The following RNF13 variants were observed in gnomAD, a reference collection of about 807,000 sequenced individuals.
The protein encoded by RNF13 is ring finger protein 13.
A neutral mutation model predicts 37.7 loss-of-function variants in RNF13; 19 were observed. The observed-to-expected ratio is 0.50, with a 90% CI of 0.35 to 0.74. The LOEUF (loss-of-function observed/expected upper bound fraction) is 0.74. RNF13 is among the 30% of genes least tolerant of loss of function. The pLI, the probability that RNF13 is intolerant of heterozygous loss-of-function variation, is 0.01. For missense variants in RNF13, 375 were observed against 453.0 expected (o/e 0.83, Z 1.56); for synonymous variants, 144 against 157.8 (o/e 0.91, Z 0.65).
intron 3 of RNF13, among the ~76,000 whole-genome samples, chr3:149,862,637 C>T (rs1724377478): frequency 6.6e-6 from 1 of 152,106 alleles, no homozygotes; most frequent in African/African-American, 2.4e-5. Flanking sequence ...TTGCATACTG[C>T]ATTTTATGAA....
At chr3:149,959,584 C>G (rs907942090) in intron 8 of RNF13, among the ~76,000 whole-genome samples, 1 of 152,190 alleles carries the variant, frequency 6.6e-6, no homozygotes, top group Non-Finnish European at 1.5e-5. Context: ...AAGCAACTTG[C>G]CAAGCACCAC....
At chr3:149,907,162 TCTTA>T (rs1173440196) in intron 6 of RNF13, among the ~76,000 whole-genome samples, 4 of 152,212 alleles carry the variant, frequency 2.6e-5, no homozygotes, top group African/African-American at 9.6e-5. Flanking sequence ...GACTAAATTC[TCTTA>T]CTGTTGATGG....
intron 4 of RNF13, among the ~76,000 whole-genome samples, chr3:149,873,178 G>A (rs1003942897): frequency 2.6e-5 from 4 of 152,076 alleles, no homozygotes; most frequent in Admixed American, 6.5e-5. Flanking sequence ...TTAATTTCTT[G>A]CTGCTAAGAA....
chr3:149,826,522 T>G (rs573646531), intron 1 of RNF13, among the ~76,000 whole-genome samples: 1 of 152,312 alleles, frequency 6.6e-6, no homozygotes, highest in South Asian at 2.1e-4. Context: ...TAAGAAATAT[T>G]TTGCTGTGTA....
At chr3:149,873,797 A>G (rs1005645149) in intron 4 of RNF13, among the ~76,000 whole-genome samples, 1 of 151,950 alleles carries the variant, frequency 6.6e-6, no homozygotes, top group African/African-American at 2.4e-5. Flanking sequence ...CTTTGTAAAT[A>G]CTTCCTTCAT....
At chr3:149,939,368 G>A (rs1720026494) in intron 8 of RNF13, 3 of 481,964 alleles carry the variant, frequency 6.2e-6, no homozygotes, top group Non-Finnish European at 7.9e-6. Context: ...TGCCACCTCC[G>A]GGGGCAGATC....
chr3:149,846,071 C>G lies in RNF13; in HGVS notation c.45C>G (p.Val15=). 1 of 1,612,746 alleles carries G rather than the reference C, an allele frequency of 6.2e-7. No homozygotes were observed. The highest frequency in any genetic ancestry group is 8.5e-7 in the Non-Finnish European group (1 of 1,179,860). ...IGMLMLSATQ[V]YTILTVQLFA... is the part of the protein sequence containing the mutation. ...TGCTCATGCTGTCAGCCACACAAGT[C>G]TACACCATCTTGACTGTCCAGCTCT... is the stretch of plus-strand genomic sequence containing the variant. Residue 15 remains valine, a synonymous_variant, in exon 2 of 10, where the codon GTC becomes GTG. Coordinates refer to ENST00000392894, the MANE Select transcript of RNF13 (RefSeq NM_183381.3).
At chr3:149,926,559 T>C (rs1718678307) in intron 8 of RNF13, among the ~76,000 whole-genome samples, 1 of 152,228 alleles carries the variant, frequency 6.6e-6, no homozygotes, top group Non-Finnish European at 1.5e-5. Flanking sequence ...ATACAGATGT[T>C]ATTTTATATT....
rs190086709 is a variant in RNF13 at position 149,890,558 on chromosome 3, T to C, written c.322-4915T>C. ...ATTAAACAATAATAAATGTGTATAT[T>C]GTAATACTAGTAATGTAGACATTAA... On this transcript the variant is annotated intron_variant, in intron 4 of 9. Coordinates refer to ENST00000392894, the MANE Select transcript of RNF13 (RefSeq NM_183381.3). 2.6e-5 allele frequency among the ~76,000 whole-genome samples: 4 copies of C among 152,326 alleles called. No homozygotes were observed. In the East Asian group the frequency reaches 7.7e-4, roughly 29 times the overall value.
At chr3:149,904,014 A>G (rs1716140601) in intron 6 of RNF13, among the ~76,000 whole-genome samples, 2 of 151,692 alleles carry the variant, frequency 1.3e-5, no homozygotes, top group Admixed American at 1.3e-4. Context: ...TCATCTATCT[A>G]TTTATCTGTC....
chr3:149,820,414 C>T (rs1451373487), intron 1 of RNF13, among the ~76,000 whole-genome samples: 1 of 151,758 alleles, frequency 6.6e-6, no homozygotes, highest in Non-Finnish European at 1.5e-5. Context: ...GAATTTCCAC[C>T]GGGAAATAAT....
intron 8 of RNF13, among the ~76,000 whole-genome samples, chr3:149,929,703 A>G (rs74898611): frequency 0.012 from 1,833 of 152,214 alleles, 31 homozygotes; most frequent in African/African-American, 0.041. Flanking sequence ...CCCTTTATCA[A>G]GTTGATGAAG....
chr3:149,906,263 C>T (rs1042314615), intron 6 of RNF13, among the ~76,000 whole-genome samples: 1 of 151,996 alleles, frequency 6.6e-6, no homozygotes, highest in African/African-American at 2.4e-5. Context: ...GTTTCCACAA[C>T]TTGGCTATTG....
intron 1 of RNF13, among the ~76,000 whole-genome samples, chr3:149,835,655 G>GTGTGTT (rs1480538254): frequency 6.6e-6 from 1 of 151,074 alleles, no homozygotes; most frequent in Non-Finnish European, 1.5e-5. Flanking sequence ...GTGTGTGTGT[G>GTGTGTT]TGTGTGTGTG....
rs76226074 is a variant in RNF13 at position 149,858,977 on chromosome 3, A to G, written c.195+6381A>G. Among the ~76,000 whole-genome samples the G allele has an allele frequency of 2.1e-3, 317 of 152,312 alleles. 3 individuals carry two copies. Among genetic ancestry groups the G allele is most frequent in the African/African-American group, 7.2e-3 (301 of 41,578 alleles). On this transcript the variant is annotated intron_variant, in intron 3 of 9. Transcript: ENST00000392894. ...AGGAAAATGCAAACATTGCAAAGAA[A>G]TGTGGTTGTTTGGATGTTTTATTTG...
At chr3:149,826,081 G>C (rs1050325888) in intron 1 of RNF13, among the ~76,000 whole-genome samples, 1 of 152,160 alleles carries the variant, frequency 6.6e-6, no homozygotes, top group East Asian at 1.9e-4. Context: ...TTGGTGTCTG[G>C]AGTGGCTCCA....
chr3:149,848,867 G>A (rs1165203210), intron 2 of RNF13, among the ~76,000 whole-genome samples: 1 of 152,104 alleles, frequency 6.6e-6, no homozygotes, highest in African/African-American at 2.4e-5. Context: ...GACTAGACTA[G>A]CTGACTAGTC....
intron 4 of RNF13, among the ~76,000 whole-genome samples, chr3:149,873,309 T>G (rs779310916): frequency 4.6e-5 from 7 of 152,212 alleles, no homozygotes; most frequent in Non-Finnish European, 7.4e-5. Context: ...TTGTTATAAC[T>G]TTCCTTTATA....
chr3:149,902,474 C>T (rs1340898640), intron 6 of RNF13, among the ~76,000 whole-genome samples: 1 of 151,922 alleles, frequency 6.6e-6, no homozygotes, highest in African/African-American at 2.4e-5. Context: ...GTTTATATGA[C>T]ATTTTCTATT....
Sources: gnomAD v4.1 joint callset for allele counts (sites outside exome capture counted in the v4.1 genomes callset) on GRCh38, gnomAD v4.1.1 for gene constraint, MANE v1.5 for transcripts, NCBI Gene and HGNC (gene_info 2026-07-23, HGNC 2026-07-21) for gene names.